DSE: variants seen among roughly 807,000 people sequenced by gnomAD.
DSE encodes the protein dermatan-sulfate epimerase.
In DSE, 36 loss-of-function variants were observed where a neutral mutation model predicts 84.4. The ratio of observed to expected loss-of-function variants is 0.43; its 90% CI spans 0.33 to 0.56. The LOEUF (loss-of-function observed/expected upper bound fraction) is 0.56, where lower values mean the gene tolerates loss of function less well. Among genes scored for constraint, DSE ranks in the 20% least tolerant of loss-of-function variants. The pLI is 0.06. For missense variants in DSE, 862 were observed against 1,169.6 expected (o/e 0.74, Z 3.84); for synonymous variants, 410 against 430.1 (o/e 0.95, Z 0.58).
At chr6:116,349,511 T>C (rs150916574) in intron 2 of DSE, among the ~76,000 whole-genome samples, 49 of 152,326 alleles carry the variant, frequency 3.2e-4, no homozygotes, top group African/African-American at 1.1e-3. Context: ...CCAGGAAATA[T>C]ACACAGCCAG....
chr6:116,350,104 A>G (rs1778222191), intron 2 of DSE, among the ~76,000 whole-genome samples: 1 of 152,242 alleles, frequency 6.6e-6, no homozygotes, highest in African/African-American at 2.4e-5. Context: ...TAAGAGGCTA[A>G]TTAGCTCAAA....
intron 2 of DSE, among the ~76,000 whole-genome samples, chr6:116,322,148 T>C (rs1041137880): frequency 1.3e-5 from 2 of 152,150 alleles, no homozygotes; most frequent in Non-Finnish European, 2.9e-5. Flanking sequence ...GAGCTACATG[T>C]ACTGGTAATT....
chr6:116,255,588 A>G (rs538565801), intron 1 of DSE: 10 of 152,328 alleles, frequency 6.6e-5, no homozygotes, highest in African/African-American at 2.4e-4. Context: ...GTCTTAATAA[A>G]CGCTCTTTTT....
chr6:116,290,693 A>G (rs1774223216), intron 2 of DSE, among the ~76,000 whole-genome samples: 1 of 152,112 alleles, frequency 6.6e-6, no homozygotes, highest in African/African-American at 2.4e-5. Context: ...ATTCCTTAAA[A>G]CTCATCCTGA....
At chr6:116,279,902 G>A (rs1163309251) in intron 2 of DSE, 3 of 1,597,646 alleles carry the variant, frequency 1.9e-6, no homozygotes, top group Admixed American at 3.3e-5. Context: ...GCTAACCGCC[G>A]CTCGCACCGC....
intron 2 of DSE, among the ~76,000 whole-genome samples, chr6:116,341,747 G>A (rs747544408): frequency 1.3e-5 from 2 of 152,180 alleles, no homozygotes; most frequent in African/African-American, 2.4e-5. Flanking sequence ...TATGAAACAG[G>A]GAATCCTTTC....
rs867723022 is a variant in DSE, at chr6:116,363,209, G to A, written c.-53-35989G>A. Among the ~76,000 whole-genome samples, 24 of 151,820 alleles carry A rather than the reference G, an allele frequency of 1.6e-4. No individual in the cohort carries two copies. The South Asian group carries it at 2.1e-3, about 13-fold the overall frequency. On this transcript the variant is annotated intron_variant, in intron 2 of 3. Transcript: ENST00000430252. ...GTTGCTTTTTTTTGCCACGTTTAAT[G>A]ACTGATCAGAAAGTGAGATATTTAA...
chr6:116,257,771 C>G (rs1448974219), intron 1 of DSE, among the ~76,000 whole-genome samples: 4 of 152,118 alleles, frequency 2.6e-5, no homozygotes, highest in Non-Finnish European at 4.4e-5. Context: ...GGGCTCTAAC[C>G]AGAGGTCTCT....
upstream of DSE, among the ~76,000 whole-genome samples, chr6:116,369,506 GTATTA>G (rs1779378483): frequency 6.6e-6 from 1 of 152,074 alleles, no homozygotes; most frequent in Admixed American, 6.5e-5. Flanking sequence ...TTCAAACAAG[GTATTA>G]TATTGTTACA....
intron 2 of DSE, chr6:116,399,869 G>A: frequency 7.2e-6 from 4 of 556,214 alleles, no homozygotes; most frequent in South Asian, 5.3e-5. Context: ...AAAGTTAGAA[G>A]GAAAATATTT....
chr6:116,339,123 C>T (rs924746640), intron 2 of DSE, among the ~76,000 whole-genome samples: 2 of 152,108 alleles, frequency 1.3e-5, no homozygotes, highest in African/African-American at 2.4e-5. Flanking sequence ...AGATCTCCTC[C>T]ACCCCAGTCC....
At chr6:116,254,209 C>A in exon 1 of DSE, 1 of 719,766 alleles carries the variant, frequency 1.4e-6, no homozygotes, top group Middle Eastern at 2.3e-4. Context: ...CCATCGTATT[C>A]CTTTGTCTTC....
intron 1 of DSE, among the ~76,000 whole-genome samples, chr6:116,382,924 C>T (rs1583140110): frequency 1.3e-5 from 2 of 152,270 alleles, no homozygotes; most frequent in East Asian, 3.9e-4. Flanking sequence ...AGTATATGGA[C>T]AAATGGTGAT....
chr6:116,355,137 T>C (rs1410442574), intron 2 of DSE, among the ~76,000 whole-genome samples: 3 of 152,244 alleles, frequency 2.0e-5, no homozygotes, highest in African/African-American at 4.8e-5. Flanking sequence ...TGAACAACTT[T>C]GCATACATAC....
Position 116,399,328 on chromosome 6 carries a change from C to G in DSE, c.78C>G (p.Asp26Glu), listed in dbSNP as rs146524076. The change falls in exon 2 of 6, where the codon GAC becomes GAG. Residue 26 changes from aspartate to glutamate, a missense_variant. By Grantham distance (45) the Asp-to-Glu change is conservative (BLOSUM62 2). Coordinates refer to ENST00000644252, the MANE Select transcript of DSE (RefSeq NM_013352.4). ...LLCFVSAYIT[D>E]ENPEVMIPFT... ...GCTTTGTGTCAGCCTACATCACCGA[C>G]GAGAACCCAGAAGTTATGATTCCCT... The G allele has an allele frequency of 6.2e-7, 1 of 1,614,050 alleles. No homozygotes were observed. The highest frequency in any genetic ancestry group is 8.5e-7 in the Non-Finnish European group (1 of 1,180,032).
chr6:116,384,435 G>T lies in DSE; in HGVS notation c.-54+13314G>T, dbSNP rs145425869. Among the ~76,000 whole-genome samples, 107 of 152,286 alleles carry T rather than the reference G, an allele frequency of 7.0e-4. 1 individual carries two copies. The highest frequency in any genetic ancestry group is 2.5e-3 in the African/African-American group (103 of 41,556). Reference sequence around the variant, plus strand: ...TAATAATGGGATGGCGAAAGTTGGGGGTAAAGCAAGTCACCTAGACCTAGC... The same window carrying T: ...TAATAATGGGATGGCGAAAGTTGGGTGTAAAGCAAGTCACCTAGACCTAGC... On this transcript the variant is annotated intron_variant, in intron 1 of 5. Coordinates refer to ENST00000644252, the MANE Select transcript of DSE (RefSeq NM_013352.4).
At chr6:116,256,053 A>G (rs1772129026) in intron 1 of DSE, 2 of 152,174 alleles carry the variant, frequency 1.3e-5, no homozygotes, top group South Asian at 4.1e-4. Flanking sequence ...AATACATTAG[A>G]TTTTATAAAC....
intron 2 of DSE, among the ~76,000 whole-genome samples, chr6:116,326,123 AT>A (rs2114776290): frequency 1.3e-5 from 2 of 152,142 alleles, no homozygotes; most frequent in African/African-American, 4.8e-5. Flanking sequence ...CTGCTTGTGG[AT>A]TTCATTTCTG....
chr6:116,364,856 C>T (rs112603456), intron 2 of DSE, among the ~76,000 whole-genome samples: 22,923 of 145,156 alleles, frequency 0.16, 1,954 homozygotes, highest in African/African-American at 0.2. Flanking sequence ...TTTTTGACAC[C>T]GAGTTTCACT....
Sources: gnomAD v4.1 joint callset for allele counts (sites outside exome capture counted in the v4.1 genomes callset) on GRCh38, gnomAD v4.1.1 for gene constraint, MANE v1.5 for transcripts, NCBI Gene and HGNC (gene_info 2026-07-23, HGNC 2026-07-21) for gene names.